Variants in SLC7A8 observed in about 807,000 individuals in gnomAD.
SLC7A8 encodes large neutral amino acids transporter small subunit 2.
In SLC7A8, 30 loss-of-function variants were observed where a neutral mutation model predicts 51.2. The ratio of observed to expected loss-of-function variants is 0.59; its 90% confidence interval spans 0.44 to 0.80. SLC7A8 has a LOEUF of 0.80. Ranked by LOEUF, SLC7A8 falls within the 30% of genes least tolerant of loss-of-function variation. The pLI is 0.00. For synonymous variants in SLC7A8, 257 were observed against 275.8 expected, an observed-to-expected ratio of 0.93 and a Z score of 0.67; for missense variants, 612 against 674.4, an observed-to-expected ratio of 0.91 and a Z score of 1.03.
At chr14:23,141,734 G>A (rs566533137) in intron 4 of SLC7A8, among the ~76,000 whole-genome samples, 3 of 152,174 alleles carry the variant, frequency 2.0e-5, no homozygotes, top group East Asian at 1.9e-4. Flanking sequence ...GATTACAGGC[G>A]TAAGCCACCA....
intron 1 of SLC7A8, among the ~76,000 whole-genome samples, chr14:23,166,913 C>T (rs1318500784): frequency 2.0e-5 from 3 of 152,128 alleles, no homozygotes; most frequent in African/African-American, 7.2e-5. Flanking sequence ...CAGGACCCTC[C>T]AGCTGAGCGA....
At chr14:23,146,159 A>C (rs2048791976) in intron 3 of SLC7A8, among the ~76,000 whole-genome samples, 1 of 152,218 alleles carries the variant, frequency 6.6e-6, no homozygotes, top group South Asian at 2.1e-4. Context: ...CAGACACAGC[A>C]GTAACTCAAG....
intron 3 of SLC7A8, chr14:23,155,592 A>G (rs1432491737): frequency 3.5e-6 from 3 of 864,030 alleles, no homozygotes; most frequent in Middle Eastern, 4.2e-4. Context: ...AAAACTGGAC[A>G]CCAAGAAATC....
At chr14:23,162,995 A>G (rs7143368) in intron 3 of SLC7A8, among the ~76,000 whole-genome samples, 37,416 of 152,036 alleles carry the variant, frequency 0.25, 7,119 homozygotes, top group African/African-American at 0.53. Context: ...AAACAGCAGT[A>G]GCTAGCACTT....
At chr14:23,156,497 C>T (rs1232492188) in intron 3 of SLC7A8, 1 of 152,130 alleles carries the variant, frequency 6.6e-6, no homozygotes, top group Non-Finnish European at 1.5e-5. Context: ...CTCCCATAAG[C>T]CTTCTGATTT....
At chr14:23,164,459 G>C (rs2048938736) in intron 3 of SLC7A8, among the ~76,000 whole-genome samples, 1 of 152,206 alleles carries the variant, frequency 6.6e-6, no homozygotes, top group Admixed American at 6.5e-5. Context: ...TTCCTTATCT[G>C]TTCTGGGAAA....
At chr14:23,147,348 T>C (rs530865746) in intron 3 of SLC7A8, among the ~76,000 whole-genome samples, 10 of 152,258 alleles carry the variant, frequency 6.6e-5, no homozygotes, top group African/African-American at 2.2e-4. Context: ...CTTTAGGAAG[T>C]TGGCAGTATA....
At chr14:23,173,254 A>G (rs1057329164) in intron 1 of SLC7A8, among the ~76,000 whole-genome samples, 2 of 152,260 alleles carry the variant, frequency 1.3e-5, no homozygotes, top group African/African-American at 4.8e-5. Context: ...CAGAAGCTGC[A>G]TGAGGGCTAT....
chr14:23,157,392 C>A (rs1480847434), intron 3 of SLC7A8, among the ~76,000 whole-genome samples: 1 of 152,162 alleles, frequency 6.6e-6, no homozygotes, highest in African/African-American at 2.4e-5. Flanking sequence ...GATCTTATTC[C>A]CCTCACCAAT....
chr14:23,171,401 C>T (rs574459292), intron 1 of SLC7A8, among the ~76,000 whole-genome samples: 65 of 152,138 alleles, frequency 4.3e-4, no homozygotes, highest in African/African-American at 1.4e-3. Context: ...CCACATTTGC[C>T]GTGAATAATC....
At chr14:23,156,092 G>A (rs575739501) in intron 3 of SLC7A8, among the ~76,000 whole-genome samples, 60 of 151,172 alleles carry the variant, frequency 4.0e-4, no homozygotes, top group African/African-American at 1.4e-3. Flanking sequence ...TCTGCCTCCC[G>A]GGTTCAAGCG....
intron 7 of SLC7A8, among the ~76,000 whole-genome samples, chr14:23,135,759 A>T (rs1366016024): frequency 2.0e-5 from 3 of 152,190 alleles, no homozygotes; most frequent in African/African-American, 7.2e-5. Context: ...TAAAGAAAAG[A>T]CAATATTGAA....
intron 1 of SLC7A8, among the ~76,000 whole-genome samples, chr14:23,167,910 G>A (rs534288758): frequency 1.3e-5 from 2 of 152,240 alleles, no homozygotes; most frequent in African/African-American, 4.8e-5. Context: ...CTGATGGTCA[G>A]ATCTCAACCA....
Position 23,129,742 on chromosome 14 carries a change from C to T in SLC7A8, c.1171G>A (p.Val391Met). 5 of 1,614,140 alleles carry T rather than the reference C, an allele frequency of 3.1e-6. No individual in the cohort carries two copies. The highest frequency in any genetic ancestry group is 4.2e-6 in the Non-Finnish European group (5 of 1,180,020). The change falls in exon 9 of 11, where the codon GTG (valine) becomes ATG (methionine). Residue 391 changes from valine (V) to methionine (M), a missense_variant. Transcript: ENST00000316902. Reference sequence around the variant, plus strand: ...TAGAAGAGGTAGTTGATGAAGCCCACATAGTTGATGAGTGTGTACATGTCG... The same window carrying T: ...TAGAAGAGGTAGTTGATGAAGCCCATATAGTTGATGAGTGTGTACATGTCG... ...TSDMYTLINYVGFINYLFYGV... is the reference protein window; with the variant it reads ...TSDMYTLINYMGFINYLFYGV...
rs1203760006 is a variant in SLC7A8 at position 23,139,556 on chromosome 14, GGA to G, written c.789-11_789-10del. 6.2e-7 allele frequency: 1 copy of G among 1,611,470 alleles called. No individual in the cohort carries two copies. The highest frequency in any genetic ancestry group is 1.3e-5 in the African/African-American group (1 of 75,000). On this transcript the variant is annotated splice_polypyrimidine_tract_variant and intron_variant, in intron 5 of 10. Coordinates refer to ENST00000316902, the MANE Select transcript of SLC7A8 (RefSeq NM_012244.4). ...TGGCTCTGGGAAGGTTCCTGTAGAG[GGA>G]GAGGAGGTGAGGGGAAGGGCTGGCA...
chr14:23,169,476 G>A (rs1002745681), intron 1 of SLC7A8, among the ~76,000 whole-genome samples: 2 of 152,172 alleles, frequency 1.3e-5, no homozygotes, highest in Admixed American at 1.3e-4. Context: ...GCACGATCTT[G>A]GCTCACTGCA....
chr14:23,166,308 C>G, intron 2 of SLC7A8, 28 bp downstream of exon 2: 1 of 1,607,378 alleles, frequency 6.2e-7, no homozygotes, highest in South Asian at 1.1e-5. Context: ...TTCCCCTAGA[C>G]CATTCAGGTC....
At chr14:23,137,599 C>G (rs927572443) in intron 7 of SLC7A8, among the ~76,000 whole-genome samples, 1 of 152,216 alleles carries the variant, frequency 6.6e-6, no homozygotes, top group Non-Finnish European at 1.5e-5. Context: ...TTGCTGCCAA[C>G]CACAGCCACT....
chr14:23,163,877 A>G (rs2048936253), intron 3 of SLC7A8, among the ~76,000 whole-genome samples: 1 of 152,110 alleles, frequency 6.6e-6, no homozygotes, highest in African/African-American at 2.4e-5. Flanking sequence ...GCTCTGCAGA[A>G]CTTCTCTAGG....
Sources: allele counts gnomAD v4.1 joint callset (sites outside exome capture counted in the v4.1 genomes callset), GRCh38; gene constraint gnomAD v4.1.1; transcripts MANE v1.5; gene names NCBI Gene and HGNC (gene_info 2026-07-23, HGNC 2026-07-21).